FGF13: variants seen among roughly 807,000 people sequenced by gnomAD.
FGF13 encodes the protein fibroblast growth factor homologous factor 2.
A neutral mutation model predicts 19.5 loss-of-function variants in FGF13; 2 were observed. The observed-to-expected ratio is 0.10, with a 90% confidence interval of 0.04 to 0.32. The LOEUF is 0.32. Ranked by LOEUF, FGF13 falls within the 10% of genes least tolerant of loss-of-function variation. The pLI is 1.00. For synonymous variants in FGF13, 72 were observed against 76.9 expected (o/e 0.94, Z 0.33); for missense variants, 113 against 192.7 (o/e 0.59, Z 2.45).
chrX:138,750,643 T>C (rs1327909466), intron 3 of FGF13, among the ~76,000 whole-genome samples: 1 of 111,735 alleles, frequency 8.9e-6, no homozygotes, highest in African/African-American at 3.3e-5. Context: ...ATTGTTTTGC[T>C]GCATACATGT....
chrX:139,166,934 AT>A (rs760917136), intron 1 of FGF13, among the ~76,000 whole-genome samples: 11 of 111,374 alleles, frequency 9.9e-5, no homozygotes, highest in Non-Finnish European at 1.9e-4. Flanking sequence ...GAGACCCTTC[AT>A]GATCTGGCCC....
chrX:138,878,735 C>T (rs762904198), intron 1 of FGF13, among the ~76,000 whole-genome samples: 46 of 111,274 alleles, frequency 4.1e-4, no homozygotes, highest in African/African-American at 1.5e-3. Context: ...ACGCTGACTT[C>T]ACAATGGTTG....
intron 3 of FGF13, among the ~76,000 whole-genome samples, chrX:138,690,712 T>C (rs2089830349): frequency 9.0e-6 from 1 of 110,997 alleles, no homozygotes; most frequent in Non-Finnish European, 1.9e-5. Context: ...ATATAACTGG[T>C]AAATTTCCAT....
At chrX:138,668,430 G>A (rs2089576433) in intron 3 of FGF13, among the ~76,000 whole-genome samples, 1 of 110,648 alleles carries the variant, frequency 9.0e-6, no homozygotes, top group South Asian at 3.8e-4. Flanking sequence ...ATAGCAAAAG[G>A]TTGTTGCCAC....
At chrX:139,144,504 G>A (rs768831649) in intron 1 of FGF13, among the ~76,000 whole-genome samples, 3 of 104,484 alleles carry the variant, frequency 2.9e-5, no homozygotes, top group African/African-American at 3.9e-5. Flanking sequence ...CTGCAGTCAG[G>A]CACTCATTCT....
chrX:138,857,588 G>A, exon 3 of FGF13: 6 of 1,207,396 alleles, frequency 5.0e-6, no homozygotes, highest in Non-Finnish European at 5.6e-6. Flanking sequence ...TAGCACGAAA[G>A]GGGGACTCTT....
chrX:138,837,704 GA>G (rs756997407), intron 3 of FGF13, among the ~76,000 whole-genome samples: 203 of 112,195 alleles, frequency 1.8e-3, no homozygotes, highest in African/African-American at 6.4e-3. Flanking sequence ...GCTTAAAGAA[GA>G]AGTCTGACCA....
intron 3 of FGF13, among the ~76,000 whole-genome samples, chrX:138,849,712 A>G (rs2091209698): frequency 9.0e-6 from 1 of 111,598 alleles, no homozygotes; most frequent in Admixed American, 9.5e-5. Context: ...AAGAGAAAAA[A>G]ACTCCAGAAA....
chrX:138,868,493 T>A (rs2091341286), intron 1 of FGF13, among the ~76,000 whole-genome samples: 1 of 111,449 alleles, frequency 9.0e-6, no homozygotes, highest in African/African-American at 3.3e-5. Context: ...TCATAGTTAC[T>A]CATATAAACT....
intron 1 of FGF13, among the ~76,000 whole-genome samples, chrX:139,017,695 G>A (rs2092160267): frequency 9.0e-6 from 1 of 111,433 alleles, no homozygotes; most frequent in East Asian, 2.8e-4. Context: ...GAGAATGCCT[G>A]CAGTAAATCT....
intron 3 of FGF13, among the ~76,000 whole-genome samples, chrX:138,782,812 A>C (rs1289256595): frequency 2.0e-4 from 20 of 100,752 alleles, no homozygotes; most frequent in Non-Finnish European, 3.4e-4. Context: ...GGAAAAAACT[A>C]CTTTAAAGTT....
At chrX:139,125,515 C>A (rs1258129788) in intron 1 of FGF13, among the ~76,000 whole-genome samples, 1 of 111,746 alleles carries the variant, frequency 8.9e-6, no homozygotes, top group Non-Finnish European at 1.9e-5. Context: ...TGATGCAGTT[C>A]CATAAAGTTG....
intron 1 of FGF13, among the ~76,000 whole-genome samples, chrX:139,131,494 G>A (rs769498617): frequency 1.1e-4 from 11 of 103,363 alleles, no homozygotes; most frequent in Admixed American, 9.0e-4. Flanking sequence ...CACACACTTC[G>A]GGAGGCCGAG....
intron 1 of FGF13, among the ~76,000 whole-genome samples, chrX:139,013,330 T>A (rs1257379497): frequency 9.3e-6 from 1 of 107,797 alleles, no homozygotes; most frequent in East Asian, 2.9e-4. Context: ...GATCCAGCAA[T>A]CCCACTACTA....
upstream of FGF13, chrX:139,204,030 AAGC>A: frequency 8.3e-7 from 1 of 1,205,230 alleles, no homozygotes. Flanking sequence ...AAGGAAAGGA[AAGC>A]AGGCGGACTC....
intron 3 of FGF13, among the ~76,000 whole-genome samples, chrX:138,852,421 C>T (rs1448325173): frequency 1.8e-5 from 2 of 111,621 alleles, no homozygotes; most frequent in African/African-American, 3.3e-5. Context: ...ACCATCTGAT[C>T]TTTGACAAAC....
intron 1 of FGF13, among the ~76,000 whole-genome samples, chrX:138,893,387 G>A (rs1172488435): frequency 4.5e-5 from 5 of 111,442 alleles, no homozygotes; most frequent in Non-Finnish European, 9.4e-5. Context: ...GTGCCCTCAC[G>A]TTTATTTATT....
Position 138,633,003 on chromosome X carries a change from G to A in FGF13, c.602-17C>T. 8.3e-7 allele frequency: 1 copy of A among 1,200,954 alleles called. No individual in the cohort carries two copies. Among genetic ancestry groups the A allele is most frequent in the South Asian group, 1.8e-5 (1 of 55,612 alleles). ...ACATGGCCACTGAAAAGCACACAAAGATGGTGTAAAAGGCCTTCAAATGGG... is the reference window on the plus strand; with the variant it reads ...ACATGGCCACTGAAAAGCACACAAAAATGGTGTAAAAGGCCTTCAAATGGG... On this transcript the variant is annotated splice_polypyrimidine_tract_variant and intron_variant, in intron 4 of 4. Transcript: ENST00000315930.
intron 1 of FGF13, among the ~76,000 whole-genome samples, chrX:138,962,298 C>G (rs1320656132): frequency 9.0e-6 from 1 of 111,502 alleles, no homozygotes; most frequent in Non-Finnish European, 1.9e-5. Context: ...CAGTGAGATA[C>G]CAGCTTACAC....
Sources: gnomAD v4.1 joint callset for allele counts (sites outside exome capture counted in the v4.1 genomes callset) on GRCh38, gnomAD v4.1.1 for gene constraint, MANE v1.5 for transcripts, NCBI Gene and HGNC (gene_info 2026-07-23, HGNC 2026-07-21) for gene names.